Variants in SLC12A8 observed in about 807,000 individuals in gnomAD.
SLC12A8 encodes solute carrier family 12 member 8, also known as cation-chloride cotransporter 9.
Under a neutral mutation model 75.6 loss-of-function variants are expected in SLC12A8, and 69 were observed. That is an observed-to-expected ratio of 0.91 (90% CI 0.75 to 1.11). The LOEUF is 1.11. SLC12A8 is among the 50% of genes most tolerant of loss of function. The probability of loss-of-function intolerance (pLI) is 0.00; values close to 1 mark genes in which losing one functional copy is unlikely to be tolerated. For synonymous variants in SLC12A8, 365 were observed against 372.8 expected (o/e 0.98, Z 0.24); for missense variants, 877 against 896.7 (o/e 0.98, Z 0.28).
Position 125,088,316 on chromosome 3 carries a change from G to C in SLC12A8, c.1976C>G (p.Ser659Cys), listed in dbSNP as rs1170677500. 1 of 1,614,178 alleles carries C rather than the reference G, an allele frequency of 6.2e-7. No homozygotes were observed. The change falls in exon 13 of 14, where the codon TCC (serine) becomes TGC (cysteine). Residue 659 changes from serine to cysteine, a missense_variant. By Grantham distance (112) the Ser-to-Cys change is moderately radical. Coordinates refer to ENST00000469902, the MANE Select transcript of SLC12A8 (RefSeq NM_024628.6). ...FRWMRSLLLP[S>C]CRSLRSPQEQ... is the part of the protein sequence containing the mutation. ...GCTCCAAATTGGCACAGACCTGCAGGAGGGGAGCAAGAGAGACCTCATCCA... is the reference window on the plus strand; with the variant it reads ...GCTCCAAATTGGCACAGACCTGCAGCAGGGGAGCAAGAGAGACCTCATCCA...
chr3:125,137,104 G>A (rs182854624), intron 5 of SLC12A8, among the ~76,000 whole-genome samples: 5 of 152,216 alleles, frequency 3.3e-5, no homozygotes, highest in Admixed American at 6.5e-5. Context: ...TCCTCCACCC[G>A]CTCGGAGCTT....
chr3:125,093,316 C>T, intron 10 of SLC12A8, among the ~76,000 whole-genome samples: 1 of 152,090 alleles, frequency 6.6e-6, no homozygotes, highest in East Asian at 1.9e-4. Flanking sequence ...CCTACATAGC[C>T]CTTCTCTGTT....
At chr3:125,197,516 T>A (rs567496205) in intron 2 of SLC12A8, among the ~76,000 whole-genome samples, 66 of 152,274 alleles carry the variant, frequency 4.3e-4, no homozygotes, top group Non-Finnish European at 9.6e-4. Context: ...GGTCTCAAAC[T>A]CCTGGGCTCA....
chr3:125,116,114 G>C (rs1423737800), intron 8 of SLC12A8, among the ~76,000 whole-genome samples: 1 of 152,228 alleles, frequency 6.6e-6, no homozygotes, highest in African/African-American at 2.4e-5. Flanking sequence ...ACACCAGTGA[G>C]CAGGAAAGCA....
intron 2 of SLC12A8, among the ~76,000 whole-genome samples, chr3:125,197,891 G>C (rs978270100): frequency 1.3e-5 from 2 of 152,328 alleles, no homozygotes; most frequent in Admixed American, 6.5e-5. Context: ...TAGTGAGTGA[G>C]GGATTAATGA....
chr3:125,153,730 C>A (rs1933986348), intron 5 of SLC12A8, among the ~76,000 whole-genome samples: 1 of 152,096 alleles, frequency 6.6e-6, no homozygotes, highest in Non-Finnish European at 1.5e-5. Context: ...CCTCCACCTC[C>A]CAGGTTCAAG....
At chr3:125,095,689 G>A (rs929526814) in intron 10 of SLC12A8, among the ~76,000 whole-genome samples, 4 of 152,156 alleles carry the variant, frequency 2.6e-5, no homozygotes, top group Non-Finnish European at 5.9e-5. Flanking sequence ...TCTGAATGTG[G>A]TAACTCAGTC....
Position 125,107,926 on chromosome 3 carries a change from G to A in SLC12A8, c.1260C>T (p.Leu420=), listed in dbSNP as rs747627044. 5 of 1,614,164 alleles carry A rather than the reference G, an allele frequency of 3.1e-6. No homozygotes were observed. Among genetic ancestry groups the A allele is most frequent in the Non-Finnish European group, 4.2e-6 (5 of 1,180,024 alleles). Residue 420 remains leucine, a synonymous_variant, in exon 10 of 14, where the codon CTC becomes CTT. Transcript: ENST00000469902. Reference sequence around the variant, plus strand: ...AGTGGAGGCCTTCTGCGCCCTCCCTGAGCACCGGCTCAGGCACCGGGGTCA... The same window carrying A: ...AGTGGAGGCCTTCTGCGCCCTCCCTAAGCACCGGCTCAGGCACCGGGGTCA... ...CSLTPVPEPV[L]REGAEGLHCS... is the part of the protein sequence containing the mutation.
chr3:125,088,406 GT>G, intron 12 of SLC12A8, 36 bp from the exon 13 acceptor site: 1 of 1,605,486 alleles, frequency 6.2e-7, no homozygotes, highest in Non-Finnish European at 8.5e-7. Context: ...ATTTTTGAAG[GT>G]TCTACATAAG....
At chr3:125,195,000 G>A (rs573622638) in intron 2 of SLC12A8, among the ~76,000 whole-genome samples, 2 of 152,356 alleles carry the variant, frequency 1.3e-5, no homozygotes, top group East Asian at 3.9e-4. Flanking sequence ...ATGGCTGTGG[G>A]TTCCATGGGC....
rs748447220 is a variant in SLC12A8, at chr3:125,107,484, C to G, written c.1702G>C (p.Glu568Gln). 11 of 1,603,160 alleles carry G rather than the reference C, an allele frequency of 6.9e-6. No homozygotes were observed. The East Asian group carries it at 2.5e-4, about 36-fold the overall frequency. ...ELCNQSESSG[E>Q]DFFLKSRLQE... ...AGTGTGATACCAGAGCACTCACCTT[C>G]TCCACTGGACTCTGATTGGTTGCAC... The change falls in exon 10 of 14, where the codon GAA becomes CAA. Residue 568 changes from glutamate to glutamine, a missense_variant. Glu to Gln is a conservative substitution (Grantham distance 29). Transcript: ENST00000469902.
At chr3:125,093,204 T>C (rs576721598) in intron 10 of SLC12A8, among the ~76,000 whole-genome samples, 30 of 152,238 alleles carry the variant, frequency 2.0e-4, no homozygotes, top group Non-Finnish European at 4.0e-4. Context: ...AAATGATATG[T>C]TGAATTAACT....
chr3:125,191,139 C>A (rs1451163590), intron 2 of SLC12A8, among the ~76,000 whole-genome samples: 1 of 152,162 alleles, frequency 6.6e-6, no homozygotes, highest in Non-Finnish European at 1.5e-5. Flanking sequence ...GAAGTTATTT[C>A]TGTTTTCCTT....
chr3:125,106,642 C>T (rs1017084666), intron 10 of SLC12A8, among the ~76,000 whole-genome samples: 6 of 152,208 alleles, frequency 3.9e-5, no homozygotes, highest in East Asian at 1.9e-4. Flanking sequence ...TGAGCCACCG[C>T]GCCCGGCCAA....
chr3:125,169,556 CA>C (rs1326008715), intron 5 of SLC12A8, among the ~76,000 whole-genome samples: 2 of 152,050 alleles, frequency 1.3e-5, no homozygotes, highest in African/African-American at 4.8e-5. Flanking sequence ...AGGGGTGTGC[CA>C]GGGGAAAGCA....
intron 5 of SLC12A8, among the ~76,000 whole-genome samples, chr3:125,139,602 T>G (rs1308626199): frequency 6.6e-6 from 1 of 152,190 alleles, no homozygotes; most frequent in Non-Finnish European, 1.5e-5. Flanking sequence ...ACCCTGAACC[T>G]GGTGGCCCAC....
chr3:125,111,694 C>T (rs1444526252), intron 8 of SLC12A8, among the ~76,000 whole-genome samples: 10 of 152,142 alleles, frequency 6.6e-5, no homozygotes, highest in Admixed American at 6.5e-4. Context: ...CACCAAGCTA[C>T]ATTGAACACA....
intron 4 of SLC12A8, among the ~76,000 whole-genome samples, chr3:125,179,274 T>G (rs1257831394): frequency 6.6e-6 from 1 of 152,226 alleles, no homozygotes; most frequent in African/African-American, 2.4e-5. Flanking sequence ...TCTATTATCA[T>G]GTCATGAACG....
chr3:125,135,144 C>A (rs771335055), intron 6 of SLC12A8, among the ~76,000 whole-genome samples: 2 of 152,140 alleles, frequency 1.3e-5, no homozygotes, highest in Non-Finnish European at 2.9e-5. Flanking sequence ...TCCTCACCCC[C>A]GCGATACTGG....
Sources: allele counts gnomAD v4.1 joint callset (sites outside exome capture counted in the v4.1 genomes callset), GRCh38; gene constraint gnomAD v4.1.1; transcripts MANE v1.5; gene names NCBI Gene and HGNC (gene_info 2026-07-23, HGNC 2026-07-21).